The following RNF144B variants were observed in gnomAD, a reference collection of about 807,000 sequenced individuals.
RNF144B encodes E3 ubiquitin-protein ligase RNF144B.
RNF144B carries 25 observed loss-of-function variants against 40.2 expected under a neutral mutation model. The ratio of observed to expected loss-of-function variants is 0.62; its 90% CI spans 0.45 to 0.87. The LOEUF is 0.87. Among genes scored for constraint, RNF144B ranks in the 40% least tolerant of loss-of-function variants. RNF144B has a pLI of 0.00. For missense variants in RNF144B, 365 were observed against 373.7 expected (o/e 0.98, Z 0.19); for synonymous variants, 145 against 136.3 (o/e 1.06, Z -0.44).
intron 2 of RNF144B, among the ~76,000 whole-genome samples, chr6:18,411,732 G>T (rs1795051976): frequency 6.6e-6 from 1 of 151,810 alleles, no homozygotes; most frequent in Admixed American, 6.6e-5. Context: ...GACCTCAGGT[G>T]ATCTGTCCAC....
chr6:18,393,523 G>C (rs1413597320), intron 1 of RNF144B, among the ~76,000 whole-genome samples: 11 of 152,204 alleles, frequency 7.2e-5, no homozygotes, highest in Non-Finnish European at 1.5e-4. Context: ...TTCACTAATA[G>C]TTTCTGTTAG....
Position 18,387,573 on chromosome 6 carries a change from G to C in RNF144B, c.-94G>C. On this transcript the variant is annotated 5_prime_UTR_variant, in exon 1 of 8. Transcript: ENST00000259939. Reference sequence around the variant, plus strand: ...TGTGCCAGCAGCCCGGACTGGCGGTGAGCGCGAGGGAGGCTACTGAGAAGC... The same window carrying C: ...TGTGCCAGCAGCCCGGACTGGCGGTCAGCGCGAGGGAGGCTACTGAGAAGC... The C allele has an allele frequency of 7.5e-7, 1 of 1,326,084 alleles. No individual in the cohort carries two copies. Among genetic ancestry groups the C allele is most frequent in the South Asian group, 1.2e-5 (1 of 84,022 alleles). The allele number at this position is 1,326,084 out of a possible 1,614,324, so 82.1% of individuals were successfully genotyped here. A position where few individuals can be genotyped will look rare whatever the true frequency, so the allele number is the denominator to read the frequency against.
rs1284949088 is a variant in RNF144B at position 18,419,614 on chromosome 6, G to A, written c.166-7967G>A. Among the ~76,000 whole-genome samples the A allele has an allele frequency of 6.6e-6, 1 of 152,170 alleles. No individual in the cohort carries two copies. Among genetic ancestry groups the A allele is most frequent in the African/African-American group, 2.4e-5 (1 of 41,434 alleles). ...TTCAGGAAGGTGGGAGTGGTTAGCT[G>A]TGTGTGATACTGCTGTTGAGAGGTT... is the stretch of plus-strand genomic sequence containing the variant. On this transcript the variant is annotated intron_variant, in intron 2 of 7. Transcript: ENST00000259939. The surrounding 1 kb of genome is among the most constrained non-coding windows in gnomAD (Gnocchi z 4.6).
chr6:18,404,247 T>C (rs1252757350), intron 2 of RNF144B, among the ~76,000 whole-genome samples: 1 of 152,224 alleles, frequency 6.6e-6, no homozygotes, highest in Non-Finnish European at 1.5e-5. Context: ...AATGCCACTT[T>C]CCTATTTCTA....
chr6:18,388,542 TG>T (rs1794515403), intron 1 of RNF144B, among the ~76,000 whole-genome samples: 2 of 152,202 alleles, frequency 1.3e-5, no homozygotes, highest in Admixed American at 1.3e-4. Context: ...AGTATCTGTC[TG>T]CCGCAGCTTT....
chr6:18,465,339 C>A lies in RNF144B; in HGVS notation c.*272C>A. 2.2e-6 allele frequency: 1 copy of A among 458,696 alleles called. No individual in the cohort carries two copies. The highest frequency in any genetic ancestry group is 3.9e-6 in the Non-Finnish European group (1 of 255,138). 28.4% of individuals were successfully genotyped at this position (458,696 alleles called of 1,614,324 possible). Reference sequence around the variant, plus strand: ...TGAATGAACATATCATTTTATCATCCAAAGGATCTCACTGGACTGTTCAAC... The same window carrying A: ...TGAATGAACATATCATTTTATCATCAAAAGGATCTCACTGGACTGTTCAAC... On this transcript the variant is annotated 3_prime_UTR_variant, in exon 8 of 8. Coordinates refer to ENST00000259939, the MANE Select transcript of RNF144B (RefSeq NM_182757.4).
At chr6:18,401,201 T>C (rs545020824) in intron 2 of RNF144B, among the ~76,000 whole-genome samples, 6 of 152,318 alleles carry the variant, frequency 3.9e-5, no homozygotes, top group East Asian at 3.9e-4. Context: ...TGCGTCAACA[T>C]TGGGGAAATA....
In RNF144B at chr6:18,466,594, T is replaced by C. The variant is rs1468260365; in HGVS notation, c.*1527T>C. ...TGCTATTGGCAATGTAGCCTGGTGC[T>C]TCATGAGACCTATGCTAAATGTTAC... is the stretch of plus-strand genomic sequence containing the variant. On this transcript the variant is annotated 3_prime_UTR_variant, in exon 8 of 8. Transcript: ENST00000259939. 1 of 152,664 alleles carries C rather than the reference T, an allele frequency of 6.6e-6. No homozygotes were observed. The highest frequency in any genetic ancestry group is 1.5e-5 in the Non-Finnish European group (1 of 68,044). The allele number at this position is 152,664 out of a possible 1,614,324, so 9.5% of individuals were successfully genotyped here. A position where few individuals can be genotyped will look rare whatever the true frequency, so the allele number is the denominator to read the frequency against.
In RNF144B at chr6:18,398,287, G is replaced by T. The variant is rs190303006; in HGVS notation, c.-36-1212G>T. 3.6e-4 allele frequency among the ~76,000 whole-genome samples: 55 copies of T among 152,214 alleles called. No homozygotes were observed. Among genetic ancestry groups the T allele is most frequent in the Admixed American group, 6.5e-4 (10 of 15,282 alleles). ...TTTCAGTTAGCATGATGTCTTCAAG[G>T]TTCATCCATGTTGTAGCATGTGTCA... On this transcript the variant is annotated intron_variant, in intron 1 of 7. Transcript: ENST00000259939. The surrounding 1 kb of genome is among the most constrained non-coding windows in gnomAD (Gnocchi z 5.0).
rs1051054094 is a variant in RNF144B, at chr6:18,422,584, G to A, written c.166-4997G>A. On this transcript the variant is annotated intron_variant, in intron 2 of 7. Coordinates refer to ENST00000259939, the MANE Select transcript of RNF144B (RefSeq NM_182757.4). This position sits in a 1 kb window ranked among gnomAD's most constrained non-coding sequence, Gnocchi z 4.7. ...AGTTCACCAACTCACCTTCAAGCCA[G>A]GTGGGCTGACAAGTCCTCCTTTGAC... Among the ~76,000 whole-genome samples, 4 of 152,240 alleles carry A rather than the reference G, an allele frequency of 2.6e-5. No homozygotes were observed. The highest frequency in any genetic ancestry group is 2.1e-4 in the South Asian group (1 of 4,818).
chr6:18,400,221 C>T lies in RNF144B; in HGVS notation c.165+522C>T, dbSNP rs1201836835. 6.6e-5 allele frequency among the ~76,000 whole-genome samples: 10 copies of T among 150,396 alleles called. No individual in the cohort carries two copies. The highest frequency in any genetic ancestry group is 2.0e-4 in the East Asian group (1 of 5,106). On this transcript the variant is annotated intron_variant, in intron 2 of 7. Coordinates refer to ENST00000259939, the MANE Select transcript of RNF144B (RefSeq NM_182757.4). The surrounding 1 kb of genome is among the most constrained non-coding windows in gnomAD (Gnocchi z 5.6). ...CTGGGAGGCAGAGCTTGCAGTGAGCCGAGATCAGGCCACTGCACTCCAGCC... is the reference window on the plus strand; with the variant it reads ...CTGGGAGGCAGAGCTTGCAGTGAGCTGAGATCAGGCCACTGCACTCCAGCC...
chr6:18,442,924 T>G lies in RNF144B; in HGVS notation c.331+3180T>G, dbSNP rs903633112. ...TTGTATGTTTTTAACGTCATTTTGT[T>G]TATTCATCTGTTGATGGACATTTCA... On this transcript the variant is annotated intron_variant, in intron 4 of 7. Coordinates refer to ENST00000259939, the MANE Select transcript of RNF144B (RefSeq NM_182757.4). The surrounding 1 kb of genome is among the most constrained non-coding windows in gnomAD (Gnocchi z 4.3). Among the ~76,000 whole-genome samples, 1 of 152,220 alleles carries G rather than the reference T, an allele frequency of 6.6e-6. No homozygotes were observed. Among genetic ancestry groups the G allele is most frequent in the African/African-American group, 2.4e-5 (1 of 41,442 alleles).
In RNF144B at chr6:18,448,979, G is replaced by C. The variant is rs1023441951; in HGVS notation, c.332-8176G>C. Among the ~76,000 whole-genome samples, 4 of 152,148 alleles carry C rather than the reference G, an allele frequency of 2.6e-5. 1 individual carries two copies. The highest frequency in any genetic ancestry group is 4.4e-5 in the Non-Finnish European group (3 of 68,018). ...GAACCTGCTTCATGTCAGGCACTGTGTTAAGTGTCTCGTTTACAGTGTCTA... is the reference window on the plus strand; with the variant it reads ...GAACCTGCTTCATGTCAGGCACTGTCTTAAGTGTCTCGTTTACAGTGTCTA... On this transcript the variant is annotated intron_variant, in intron 4 of 7. Coordinates refer to ENST00000259939, the MANE Select transcript of RNF144B (RefSeq NM_182757.4). This position sits in a 1 kb window ranked among gnomAD's most constrained non-coding sequence, Gnocchi z 4.0.
chr6:18,439,231 G>T (rs1196985962), intron 3 of RNF144B, among the ~76,000 whole-genome samples: 1 of 152,132 alleles, frequency 6.6e-6, no homozygotes, highest in African/African-American at 2.4e-5. Flanking sequence ...TCTTTCCTAG[G>T]TGACAAATGA....
At chr6:18,435,737 C>G (rs1039092618) in intron 3 of RNF144B, among the ~76,000 whole-genome samples, 60 of 151,942 alleles carry the variant, frequency 3.9e-4, no homozygotes, top group African/African-American at 1.4e-3. Flanking sequence ...ATGGATGAAG[C>G]TGGAAACCAT....
rs70974744 is a variant in RNF144B, at chr6:18,446,840, G to GGTGTGTGTGTGT, written c.331+7119_331+7130dup. Among the ~76,000 whole-genome samples, 35 of 147,998 alleles carry GGTGTGTGTGTGT rather than the reference G, an allele frequency of 2.4e-4. 1 individual carries two copies. Among genetic ancestry groups the GGTGTGTGTGTGT allele is most frequent in the African/African-American group, 8.7e-4 (35 of 40,006 alleles). The stretch of plus-strand genomic sequence containing the variant: ...TAAAGTTTTATTGGTTCTATTTTAG[G>GGTGTGTGTGTGT]GTGTGTGTGTGTGTGTGTGTGTGTG... On this transcript the variant is annotated intron_variant, in intron 4 of 7. Coordinates refer to ENST00000259939, the MANE Select transcript of RNF144B (RefSeq NM_182757.4). This position sits in a 1 kb window ranked among gnomAD's most constrained non-coding sequence, Gnocchi z 4.7.
intron 6 of RNF144B, among the ~76,000 whole-genome samples, chr6:18,462,530 A>G (rs759679952): frequency 1.3e-5 from 2 of 152,064 alleles, no homozygotes; most frequent in South Asian, 2.1e-4. Flanking sequence ...AGTCTCTTCT[A>G]TGGTTTCTTC....
intron 7 of RNF144B, 92 bp downstream of exon 7, chr6:18,463,472 G>T (rs1759513082): frequency 1.3e-6 from 1 of 789,424 alleles, no homozygotes; most frequent in Admixed American, 2.0e-5. Flanking sequence ...TTCCCTCCTG[G>T]GAGGTACCAT....
At position 18,399,561 on chromosome 6, in the gene RNF144B, T is replaced by G. The variant is rs1387635660; in HGVS notation, c.27T>G (p.Tyr9Ter). Reference protein sequence around the residue: MGSAGRLHYLAMTAENPTP... With the variant: MGSAGRLH ...TGGGCTCAGCTGGTAGGCTCCACTATCTCGCCATGACTGCTGAAAATCCCA... is the reference window on the plus strand; with the variant it reads ...TGGGCTCAGCTGGTAGGCTCCACTAGCTCGCCATGACTGCTGAAAATCCCA... The change falls in exon 2 of 8, where the codon TAT becomes TAG. Residue 9 changes from tyrosine (Y) to a stop codon, truncating the protein, a stop_gained. Coordinates refer to ENST00000259939, the MANE Select transcript of RNF144B (RefSeq NM_182757.4). LOFTEE classifies it high-confidence loss of function. 6.2e-7 allele frequency: 1 copy of G among 1,614,112 alleles called. No individual in the cohort carries two copies. Among genetic ancestry groups the G allele is most frequent in the Middle Eastern group, 1.6e-4 (1 of 6,062 alleles).
Sources: gnomAD v4.1 joint callset for allele counts (sites outside exome capture counted in the v4.1 genomes callset) on GRCh38, gnomAD v4.1.1 for gene constraint, Gnocchi (gnomAD v3.1) non-coding constraint, MANE v1.5 for transcripts, NCBI Gene and HGNC (gene_info 2026-07-23, HGNC 2026-07-21) for gene names.